Variants in SUCLG2 observed in about 807,000 individuals in gnomAD.
SUCLG2 encodes the protein succinate-CoA ligase GDP-forming subunit beta, also known as succinate--CoA ligase [GDP-forming] subunit beta, mitochondrial.
Under a neutral mutation model 47.9 loss-of-function variants are expected in SUCLG2, and 42 were observed. That is an observed-to-expected ratio of 0.88 (90% CI 0.69 to 1.14). SUCLG2 has a LOEUF of 1.14. Among genes scored for constraint, SUCLG2 ranks in the 50% most tolerant of loss-of-function variants. The probability of loss-of-function intolerance (pLI) is 0.00; values close to 1 mark genes in which losing one functional copy is unlikely to be tolerated. For missense variants in SUCLG2, 571 were observed against 525.9 expected (o/e 1.09, Z -0.84); for synonymous variants, 195 against 197.3 (o/e 0.99, Z 0.10).
chr3:67,629,973 C>T (rs1393096836), intron 1 of SUCLG2, among the ~76,000 whole-genome samples: 2 of 152,106 alleles, frequency 1.3e-5, no homozygotes, highest in Non-Finnish European at 2.9e-5. Flanking sequence ...GCCCCCTTCT[C>T]ATCTTGCAAC....
rs549134093 is a variant in SUCLG2 at position 67,508,898 on chromosome 3, T to C, written c.666A>G (p.Ala222=). 1 of 1,609,374 alleles carries C rather than the reference T, an allele frequency of 6.2e-7. No individual in the cohort carries two copies. Among genetic ancestry groups the C allele is most frequent in the Admixed American group, 1.7e-5 (1 of 59,644 alleles). Residue 222 remains alanine, a synonymous_variant, in exon 7 of 11, where the codon GCA becomes GCG. Transcript: ENST00000307227. ...GATTATACAGCTTCGTAATTTGATC[T>C]GCAGCCTAAATGTGATCAAGTGAAA... ...GFVGPLKSQA[A]DQITKLYNLF...
intron 9 of SUCLG2, among the ~76,000 whole-genome samples, chr3:67,477,415 C>T (rs1704791922): frequency 6.6e-6 from 1 of 152,188 alleles, no homozygotes; most frequent in South Asian, 2.1e-4. Flanking sequence ...TGGTGAGAGG[C>T]TGGGTGTGGT....
chr3:67,638,435 G>A (rs1329590611), intron 1 of SUCLG2, among the ~76,000 whole-genome samples: 1 of 152,174 alleles, frequency 6.6e-6, no homozygotes, highest in East Asian at 1.9e-4. Context: ...CTAGTTGACA[G>A]TGTGAAGCTG....
intron 2 of SUCLG2, among the ~76,000 whole-genome samples, chr3:67,604,274 T>C (rs1708481605): frequency 6.6e-6 from 1 of 152,220 alleles, no homozygotes; most frequent in Non-Finnish European, 1.5e-5. Context: ...TAAGAAAATA[T>C]CTGCAGATTG....
chr3:67,553,199 A>G (rs1289334033), intron 2 of SUCLG2, among the ~76,000 whole-genome samples: 1 of 152,190 alleles, frequency 6.6e-6, no homozygotes, highest in East Asian at 1.9e-4. Context: ...GACACTAGAA[A>G]TTAGCTTTGG....
chr3:67,444,114 G>A (rs1703856416), intron 9 of SUCLG2, among the ~76,000 whole-genome samples: 1 of 95,100 alleles, frequency 1.1e-5, no homozygotes, highest in African/African-American at 3.5e-5. Flanking sequence ...GAGGTGGGGG[G>A]GTCAGCCCCC....
intron 9 of SUCLG2, among the ~76,000 whole-genome samples, chr3:67,421,658 T>C (rs970811959): frequency 1.1e-4 from 16 of 152,240 alleles, no homozygotes; most frequent in Non-Finnish European, 7.3e-5. Context: ...ATAAATGTTT[T>C]ACTGCTATAA....
At chr3:67,491,834 T>C (rs1258337443) in intron 9 of SUCLG2, among the ~76,000 whole-genome samples, 1 of 152,216 alleles carries the variant, frequency 6.6e-6, no homozygotes, top group Non-Finnish European at 1.5e-5. Flanking sequence ...AAATGAAAAG[T>C]GTGCGTGTGT....
intron 9 of SUCLG2, among the ~76,000 whole-genome samples, chr3:67,404,697 C>T (rs1214127240): frequency 6.6e-6 from 1 of 152,072 alleles, no homozygotes; most frequent in East Asian, 1.9e-4. Context: ...TGCAGTCATG[C>T]ACTTTAATGG....
intron 9 of SUCLG2, among the ~76,000 whole-genome samples, chr3:67,482,182 AGAAGGAAG>A (rs146705714): frequency 7.2e-5 from 11 of 151,772 alleles, no homozygotes; most frequent in East Asian, 4.0e-4. Context: ...TATCTCAATA[AGAAGGAAG>A]GAAGGAAGGA....
intron 10 of SUCLG2, among the ~76,000 whole-genome samples, chr3:67,368,504 G>A (rs545011994): frequency 6.6e-6 from 1 of 151,852 alleles, no homozygotes; most frequent in South Asian, 2.1e-4. Flanking sequence ...TTGTCTCCTA[G>A]TTCCTTTAAT....
At chr3:67,427,646 G>A (rs527557953) in intron 9 of SUCLG2, among the ~76,000 whole-genome samples, 6 of 152,292 alleles carry the variant, frequency 3.9e-5, no homozygotes, top group East Asian at 1.9e-4. Flanking sequence ...CATGGAGCAC[G>A]AGCCGAAGCA....
At chr3:67,434,265 T>G (rs1233223202) in intron 9 of SUCLG2, among the ~76,000 whole-genome samples, 1 of 152,198 alleles carries the variant, frequency 6.6e-6, no homozygotes, top group Non-Finnish European at 1.5e-5. Flanking sequence ...GTGGCTCACG[T>G]CCGTTATCCC....
intron 2 of SUCLG2, among the ~76,000 whole-genome samples, chr3:67,543,340 G>A (rs537853662): frequency 7.8e-4 from 119 of 152,220 alleles, no homozygotes; most frequent in Non-Finnish European, 1.4e-3. Flanking sequence ...TTACATAGTC[G>A]TAATAAAATC....
chr3:67,392,588 G>C (rs1439947035), intron 10 of SUCLG2, among the ~76,000 whole-genome samples: 1 of 152,140 alleles, frequency 6.6e-6, no homozygotes, highest in Admixed American at 6.5e-5. Flanking sequence ...TCCCATGTTA[G>C]ACATCCACTG....
chr3:67,409,140 G>T, intron 9 of SUCLG2: 2 of 1,273,676 alleles, frequency 1.6e-6, no homozygotes, highest in Non-Finnish European at 2.1e-6. Context: ...TAAAAGAGTT[G>T]TCCAGAGCTC....
chr3:67,371,980 A>G (rs1701960908), downstream of SUCLG2, among the ~76,000 whole-genome samples: 1 of 152,192 alleles, frequency 6.6e-6, no homozygotes, highest in African/African-American at 2.4e-5. Context: ...GCACACAGAA[A>G]GCACTTAATC....
At chr3:67,563,747 C>G (rs931601996) in intron 2 of SUCLG2, among the ~76,000 whole-genome samples, 21 of 152,012 alleles carry the variant, frequency 1.4e-4, no homozygotes, top group African/African-American at 4.8e-4. Context: ...ATCACAAGGT[C>G]AGGAGATCGA....
At chr3:67,378,424 C>T (rs957629352) in intron 10 of SUCLG2, among the ~76,000 whole-genome samples, 5 of 152,216 alleles carry the variant, frequency 3.3e-5, no homozygotes, top group Non-Finnish European at 7.3e-5. Flanking sequence ...GAGAGACTCA[C>T]CTGGGCAAGG....
Sources: gnomAD v4.1 joint callset for allele counts (sites outside exome capture counted in the v4.1 genomes callset) on GRCh38, gnomAD v4.1.1 for gene constraint, MANE v1.5 for transcripts, NCBI Gene and HGNC (gene_info 2026-07-23, HGNC 2026-07-21) for gene names.